TFG: variants seen among roughly 807,000 people sequenced by gnomAD.
The protein encoded by TFG is protein TFG.
In TFG, 22 loss-of-function variants were observed where a neutral mutation model predicts 51.4. That is an observed-to-expected ratio of 0.43 (90% CI 0.31 to 0.61). The LOEUF (loss-of-function observed/expected upper bound fraction) is 0.61, where lower values mean the gene tolerates loss of function less well. Among genes scored for constraint, TFG ranks in the 20% least tolerant of loss-of-function variants. The pLI is 0.12. For synonymous variants in TFG, 187 were observed against 165.6 expected (o/e 1.13, Z -0.99); for missense variants, 419 against 487.7 (o/e 0.86, Z 1.33).
At chr3:100,737,203 T>C (rs7647299) in intron 6 of TFG, among the ~76,000 whole-genome samples, 2,104 of 152,292 alleles carry the variant, frequency 0.014, 42 homozygotes, top group African/African-American at 0.049. Context: ...ATGTCTTTAA[T>C]GGAAAAAAAG....
chr3:100,748,321 C>G lies in TFG; in HGVS notation c.993C>G (p.Ala331=). 6.2e-7 allele frequency: 1 copy of G among 1,614,008 alleles called. No homozygotes were observed. The highest frequency in any genetic ancestry group is 8.5e-7 in the Non-Finnish European group (1 of 1,179,974). The change falls in exon 8 of 8, where the codon GCC becomes GCG. Residue 331 remains alanine (A), a synonymous_variant. Transcript: ENST00000240851. ...ATTATCCTGCACAAACTTACACTGC[C>G]CAAACTTCTCAGCCTACTAATTATA... ...ASNYPAQTYT[A]QTSQPTNYTV... is the part of the protein sequence containing the mutation.
In TFG at chr3:100,739,442, G is replaced by T. The variant is rs146647314; in HGVS notation, c.721+2726G>T. ...TTACTCTTTTTCATATAAAGCCAGT[G>T]CCTGTTACAGGAAGACTATGTGATG... On this transcript the variant is annotated intron_variant, in intron 6 of 7. Transcript: ENST00000240851. Among the ~76,000 whole-genome samples the T allele has an allele frequency of 2.8e-3, 428 of 152,148 alleles. 2 individuals carry two copies. Among genetic ancestry groups the T allele is most frequent in the African/African-American group, 7.8e-3 (325 of 41,510 alleles).
chr3:100,721,401 G>A (rs1408462471), intron 3 of TFG, among the ~76,000 whole-genome samples: 2 of 152,086 alleles, frequency 1.3e-5, no homozygotes, highest in East Asian at 3.8e-4. Flanking sequence ...TGTCTACATG[G>A]TGTAGGCCCT....
chr3:100,747,337 C>G (rs969812064), intron 7 of TFG: 10 of 140,320 alleles, frequency 7.1e-5, no homozygotes, highest in African/African-American at 2.3e-4. Context: ...CAAATTCATT[C>G]AATCCTTTTT....
chr3:100,733,499 A>G (rs2095097416), intron 5 of TFG, among the ~76,000 whole-genome samples: 2 of 152,048 alleles, frequency 1.3e-5, no homozygotes, highest in Admixed American at 6.5e-5. Context: ...AATTGTTTGA[A>G]TGTATTTATG....
intron 2 of TFG, among the ~76,000 whole-genome samples, chr3:100,719,514 T>C (rs1247061792): frequency 1.3e-5 from 2 of 152,254 alleles, no homozygotes; most frequent in East Asian, 3.8e-4. Flanking sequence ...AAGAATTTAC[T>C]GTCTATCCAT....
At chr3:100,711,604 T>TA (rs976933302) in intron 1 of TFG, among the ~76,000 whole-genome samples, 2 of 152,218 alleles carry the variant, frequency 1.3e-5, no homozygotes, top group Non-Finnish European at 2.9e-5. Context: ...CTCCCATAAT[T>TA]AAAAAATTTA....
At chr3:100,713,924 AG>A in intron 2 of TFG, 55 bp downstream of exon 2, 2 of 1,119,114 alleles carry the variant, frequency 1.8e-6, no homozygotes, top group Non-Finnish European at 2.4e-6. Context: ...AAAAAAAAAA[AG>A]ACAGAGCCTC....
chr3:100,748,156 T>C lies in TFG; in HGVS notation c.828T>C (p.Tyr276=), dbSNP rs372641906. The C allele has an allele frequency of 2.5e-6, 4 of 1,613,518 alleles. No homozygotes were observed. In the African/African-American group the frequency reaches 4.0e-5, roughly 16 times the overall value. The change falls in exon 8 of 8, where the codon TAT becomes TAC. Residue 276 remains tyrosine (Y), a synonymous_variant. Coordinates refer to ENST00000240851, the MANE Select transcript of TFG (RefSeq NM_006070.6). ...TTTATTTTGCCTTTTCAGCAAGCTA[T>C]AGTCAGCAGACTGGACCTCAACAAC... The part of the protein sequence containing the change: ...QQYGIQYSAS[Y]SQQTGPQQPQ...
At chr3:100,740,213 C>G (rs544976244) in intron 6 of TFG, among the ~76,000 whole-genome samples, 2 of 152,222 alleles carry the variant, frequency 1.3e-5, no homozygotes, top group Admixed American at 6.5e-5. Flanking sequence ...ACTTAGACAA[C>G]AAAAGTTAAT....
intron 3 of TFG, 25 bp downstream of exon 3, chr3:100,720,083 T>G (rs554319956): frequency 7.3e-7 from 1 of 1,377,282 alleles, no homozygotes; most frequent in Non-Finnish European, 1.0e-6. Flanking sequence ...TTCTAATGAA[T>G]TTACTATTTT....
intron 3 of TFG, among the ~76,000 whole-genome samples, chr3:100,721,865 AAGC>A (rs1166641908): frequency 1.3e-5 from 2 of 152,234 alleles, no homozygotes; most frequent in Admixed American, 6.5e-5. Flanking sequence ...AAGAATATAA[AAGC>A]AGCCGGCCGT....
At chr3:100,740,670 T>TA (rs1173267915) in intron 6 of TFG, among the ~76,000 whole-genome samples, 1 of 152,186 alleles carries the variant, frequency 6.6e-6, no homozygotes, top group African/African-American at 2.4e-5. Context: ...ATAAATGCTA[T>TA]ACATGTGCAG....
intron 6 of TFG, chr3:100,743,639 A>ATT (rs1422001507): frequency 3.3e-5 from 5 of 152,124 alleles, no homozygotes; most frequent in African/African-American, 1.2e-4. Context: ...AATAAGCTGG[A>ATT]TATAAACATA....
At chr3:100,723,159 TAAGA>T (rs2095065441) in intron 3 of TFG, among the ~76,000 whole-genome samples, 1 of 152,066 alleles carries the variant, frequency 6.6e-6, no homozygotes, top group South Asian at 2.1e-4. Context: ...CAATAATATG[TAAGA>T]AAGGAAGGGA....
chr3:100,713,809 C>T lies in TFG; in HGVS notation c.124C>T (p.Arg42Ter). 3.1e-6 allele frequency: 5 copies of T among 1,590,760 alleles called. No individual in the cohort carries two copies. The highest frequency in any genetic ancestry group is 1.1e-5 in the South Asian group (1 of 88,038). ...TYDELVLMMQ[R>*]VFRGKLLSND... Reference sequence around the variant, plus strand: ...TGATGAATTAGTGCTAATGATGCAACGAGTTTTCAGAGGAAAACTTCTGAG... The same window carrying T: ...TGATGAATTAGTGCTAATGATGCAATGAGTTTTCAGAGGAAAACTTCTGAG... Residue 42 changes from arginine to a stop codon, truncating the protein, a stop_gained, in exon 2 of 8, where the codon CGA (arginine) becomes TGA (stop). Coordinates refer to ENST00000240851, the MANE Select transcript of TFG (RefSeq NM_006070.6). LOFTEE classifies it high-confidence loss of function.
At chr3:100,728,358 TAATA>T (rs1254930905) in intron 3 of TFG, among the ~76,000 whole-genome samples, 1 of 130,750 alleles carries the variant, frequency 7.6e-6, no homozygotes, top group African/African-American at 2.6e-5. Flanking sequence ...CTATTAAATT[TAATA>T]AATATTTAAG....
rs773773830 is a variant in TFG at position 100,744,808 on chromosome 3, TGTG to T, written c.722-24_722-22del. On this transcript the variant is annotated intron_variant, in intron 6 of 7. Coordinates refer to ENST00000240851, the MANE Select transcript of TFG (RefSeq NM_006070.6). ...CCACATTAAACATGCCTTTTTTCCT[TGTG>T]TGTGTGTGTGTGTGTTTTCAGGTCA... The T allele has an allele frequency of 4.7e-6, 4 of 844,248 alleles. No individual in the cohort carries two copies. In the African/African-American group the frequency reaches 5.6e-5, roughly 12 times the overall value. 52.3% of individuals were successfully genotyped at this position (844,248 alleles called of 1,614,324 possible).
intron 3 of TFG, among the ~76,000 whole-genome samples, chr3:100,723,710 C>T (rs1023374217): frequency 6.6e-6 from 1 of 152,038 alleles, no homozygotes; most frequent in Non-Finnish European, 1.5e-5. Context: ...AGATGTTTTC[C>T]CCTAAGAAAA....
Sources: gnomAD v4.1 joint callset for allele counts (sites outside exome capture counted in the v4.1 genomes callset) on GRCh38, gnomAD v4.1.1 for gene constraint, MANE v1.5 for transcripts, NCBI Gene and HGNC (gene_info 2026-07-23, HGNC 2026-07-21) for gene names.